SORCS1: variants seen among roughly 807,000 people sequenced by gnomAD.
SORCS1 encodes the protein VPS10 domain-containing receptor SorCS1.
In SORCS1, 60 loss-of-function variants were observed where a neutral mutation model predicts 146.1. The observed-to-expected ratio is 0.41, with a 90% CI of 0.33 to 0.51. The LOEUF (loss-of-function observed/expected upper bound fraction) is 0.51. Among genes scored for constraint, SORCS1 ranks in the 20% least tolerant of loss-of-function variants. The pLI, the probability that SORCS1 is intolerant of heterozygous loss-of-function variation, is 0.21. For synonymous variants in SORCS1, 637 were observed against 584.0 expected, an observed-to-expected ratio of 1.09 and a Z score of -1.31; for missense variants, 1,352 against 1,487.6, an observed-to-expected ratio of 0.91 and a Z score of 1.50.
intron 10 of SORCS1, among the ~76,000 whole-genome samples, chr10:106,683,874 G>A (rs1252833290): frequency 6.6e-6 from 1 of 152,198 alleles, no homozygotes; most frequent in East Asian, 1.9e-4. Context: ...AAAGAGGAAG[G>A]AGGCCCCTGG....
chr10:106,914,109 G>T (rs778426932), intron 2 of SORCS1, among the ~76,000 whole-genome samples: 2 of 152,106 alleles, frequency 1.3e-5, no homozygotes, highest in African/African-American at 2.4e-5. Context: ...TAAATCAAAG[G>T]CTATTAAAAC....
intron 6 of SORCS1, among the ~76,000 whole-genome samples, chr10:106,722,532 G>T (rs1424184545): frequency 6.6e-6 from 1 of 152,130 alleles, no homozygotes; most frequent in Non-Finnish European, 1.5e-5. Context: ...AGAGTTCTCA[G>T]GCAGTCATTT....
intron 5 of SORCS1, among the ~76,000 whole-genome samples, chr10:106,743,709 G>A (rs889053758): frequency 2.0e-5 from 3 of 152,120 alleles, no homozygotes; most frequent in Non-Finnish European, 4.4e-5. Context: ...ATAGGTGTGA[G>A]CCACCGCACC....
chr10:107,071,424 G>A (rs1395293077), intron 1 of SORCS1, among the ~76,000 whole-genome samples: 9 of 152,154 alleles, frequency 5.9e-5, no homozygotes, highest in Non-Finnish European at 2.9e-5. Context: ...AGTTGTGGGA[G>A]CTTATGTGAA....
chr10:106,970,336 C>CTCTTTTTTTTTTTTTTTTTTTTTTTTT (rs1955713548), intron 1 of SORCS1, among the ~76,000 whole-genome samples: 1 of 89,454 alleles, frequency 1.1e-5, no homozygotes, highest in African/African-American at 5.4e-5. Context: ...ACCAACATCT[C>CTCTTTTTTTTTTTTTTTTTTTTTTTTT]TTTTTTTTTT....
At chr10:107,089,454 C>G (rs1264672037) in intron 1 of SORCS1, among the ~76,000 whole-genome samples, 8 of 152,160 alleles carry the variant, frequency 5.3e-5, no homozygotes. Flanking sequence ...TCTATCTTGT[C>G]TTTAAAAATC....
intron 1 of SORCS1, among the ~76,000 whole-genome samples, chr10:107,027,560 C>T (rs1958461299): frequency 6.6e-6 from 1 of 152,092 alleles, no homozygotes; most frequent in African/African-American, 2.4e-5. Context: ...GATAGGACTT[C>T]AGGTGCTGAA....
intron 3 of SORCS1, among the ~76,000 whole-genome samples, chr10:106,806,290 C>A (rs1947167992): frequency 6.7e-6 from 1 of 150,090 alleles, no homozygotes; most frequent in Non-Finnish European, 1.5e-5. Context: ...ATGGCTTGAA[C>A]CCGGGAGGCA....
upstream of SORCS1, among the ~76,000 whole-genome samples, chr10:107,169,582 C>A (rs1264852636): frequency 1.3e-5 from 2 of 152,160 alleles, no homozygotes; most frequent in Non-Finnish European, 2.9e-5. Context: ...TTGGAGATAA[C>A]AAAACTATCT....
chr10:106,987,569 C>T (rs1006891041), intron 1 of SORCS1, among the ~76,000 whole-genome samples: 51 of 152,204 alleles, frequency 3.4e-4, no homozygotes, highest in Admixed American at 1.9e-3. Flanking sequence ...CAATGCCTTA[C>T]GGACCGGGCA....
chr10:107,018,895 T>C (rs1158844649), intron 1 of SORCS1, among the ~76,000 whole-genome samples: 1 of 152,198 alleles, frequency 6.6e-6, no homozygotes, highest in Non-Finnish European at 1.5e-5. Context: ...AGAAAAATAA[T>C]CTAGGCTTTT....
intron 2 of SORCS1, among the ~76,000 whole-genome samples, chr10:106,951,426 C>CG (rs1243988227): frequency 6.8e-6 from 1 of 147,220 alleles, no homozygotes; most frequent in East Asian, 2.1e-4. Flanking sequence ...AAGAGAATGG[C>CG]GGGTGAACCC....
At position 106,827,206 on chromosome 10, in the gene SORCS1, CT is replaced by C. The variant is rs71025560; in HGVS notation, c.726+2367del. ...TATAGTCAGATTTGATATTTGGCAT[CT>C]TTTTTTTTTTTTTTTTCATGTTTCT... On this transcript the variant is annotated intron_variant, in intron 3 of 25. Transcript: ENST00000263054. Among the ~76,000 whole-genome samples, 119 of 135,872 alleles carry C rather than the reference CT, an allele frequency of 8.8e-4. No individual in the cohort carries two copies. The South Asian group carries it at 0.015, about 17-fold the overall frequency. 89.1% of individuals were successfully genotyped at this position (135,872 alleles called of 152,430 possible). A position where few individuals can be genotyped will look rare whatever the true frequency, so the allele number is the denominator to read the frequency against.
chr10:106,594,941 C>T (rs914343723), intron 24 of SORCS1, among the ~76,000 whole-genome samples: 10 of 152,150 alleles, frequency 6.6e-5, no homozygotes, highest in Non-Finnish European at 1.2e-4. Context: ...CTTTTTAAAA[C>T]GATATTCAGT....
chr10:107,065,369 C>A (rs758223966), intron 1 of SORCS1, among the ~76,000 whole-genome samples: 1 of 149,196 alleles, frequency 6.7e-6, no homozygotes, highest in Non-Finnish European at 1.5e-5. Flanking sequence ...ACACTGAGTG[C>A]TTCAAAACTT....
intron 2 of SORCS1, among the ~76,000 whole-genome samples, chr10:106,930,156 C>G (rs1021889980): frequency 6.6e-6 from 1 of 152,062 alleles, no homozygotes; most frequent in African/African-American, 2.4e-5. Context: ...GTGCTGAGCG[C>G]CTGCAGTCCC....
intron 3 of SORCS1, among the ~76,000 whole-genome samples, chr10:106,801,046 T>A (rs1049501992): frequency 3.3e-5 from 5 of 152,212 alleles, no homozygotes; most frequent in Non-Finnish European, 5.9e-5. Flanking sequence ...TCATCGTCTT[T>A]AGTTCACTAT....
chr10:107,018,679 TA>T (rs917638661), intron 1 of SORCS1, among the ~76,000 whole-genome samples: 42 of 144,718 alleles, frequency 2.9e-4, no homozygotes, highest in South Asian at 2.6e-3. Context: ...GGAAAAAAAT[TA>T]AAAAAAAAAA....
the SORCS1 span, among the ~76,000 whole-genome samples, chr10:107,177,896 A>G: frequency 1.3e-5 from 2 of 152,240 alleles, no homozygotes; most frequent in Non-Finnish European, 2.9e-5. Context: ...AAACAGACAT[A>G]GGAACAGAAA....
Sources: allele counts gnomAD v4.1 joint callset (sites outside exome capture counted in the v4.1 genomes callset), GRCh38; gene constraint gnomAD v4.1.1; transcripts MANE v1.5; gene names NCBI Gene and HGNC (gene_info 2026-07-23, HGNC 2026-07-21).